The following KLHL13 variants were observed in gnomAD, a reference collection of about 807,000 sequenced individuals.
KLHL13 encodes the protein kelch-like protein 13.
KLHL13 carries 10 observed loss-of-function variants against 37.1 expected under a neutral mutation model. The ratio of observed to expected loss-of-function variants is 0.27; its 90% CI spans 0.17 to 0.46. The LOEUF (loss-of-function observed/expected upper bound fraction) is 0.46, where lower values mean the gene tolerates loss of function less well. Ranked by LOEUF, KLHL13 falls within the 20% of genes least tolerant of loss-of-function variation. KLHL13 has a pLI of 1.00. For missense variants in KLHL13, 360 were observed against 509.3 expected (o/e 0.71, Z 2.82); for synonymous variants, 163 against 181.2 (o/e 0.90, Z 0.81).
chrX:117,908,089 ATTTATTTATTTAT>A (rs1930674615), intron 5 of KLHL13, among the ~76,000 whole-genome samples: 1 of 104,924 alleles, frequency 9.5e-6, no homozygotes, highest in African/African-American at 3.5e-5. Context: ...TTATTTATTT[ATTTATTTATTTAT>A]TTATTTATTT....
intron 1 of KLHL13, among the ~76,000 whole-genome samples, chrX:117,972,561 A>G (rs1189337549): frequency 8.8e-6 from 1 of 113,032 alleles, no homozygotes; most frequent in Non-Finnish European, 1.9e-5. Context: ...GAAAAACAAA[A>G]CAATGATGAA....
intron 6 of KLHL13, 133 bp from the exon 8 acceptor site, chrX:117,899,528 C>T: frequency 2.2e-6 from 1 of 463,209 alleles, no homozygotes; most frequent in Non-Finnish European, 3.5e-6. Context: ...TTAGGACTGT[C>T]TTCCCTCTAT....
chrX:118,028,561 G>A, intron 1 of KLHL13, 64 bp from the exon 2 acceptor site: 1 of 519,316 alleles, frequency 1.9e-6, no homozygotes, highest in Non-Finnish European at 3.2e-6. Context: ...TTCAACTTCT[G>A]TTTTTATAAT....
intron 1 of KLHL13, among the ~76,000 whole-genome samples, chrX:117,966,359 GAAGGACCTCTTC>G (rs2053430717): frequency 9.0e-6 from 1 of 110,839 alleles, no homozygotes; most frequent in African/African-American, 3.3e-5. Context: ...CAAGGGATGT[GAAGGACCTCTTC>G]AAGGAGAACT....
chrX:118,099,629 C>G (rs1223196215), intron 1 of KLHL13, among the ~76,000 whole-genome samples: 1 of 110,364 alleles, frequency 9.1e-6, no homozygotes, highest in Non-Finnish European at 1.9e-5. Context: ...GCCTGGGCAA[C>G]ACAGCAACAC....
At chrX:118,000,474 G>GT (rs2053908209) in intron 1 of KLHL13, among the ~76,000 whole-genome samples, 1 of 112,236 alleles carries the variant, frequency 8.9e-6, no homozygotes, top group South Asian at 3.7e-4. Flanking sequence ...AGGGATGAGT[G>GT]TAACAGTAAT....
chrX:118,024,251 C>T (rs908354228), intron 1 of KLHL13, among the ~76,000 whole-genome samples: 4 of 112,177 alleles, frequency 3.6e-5, no homozygotes, highest in East Asian at 2.8e-4. Flanking sequence ...CTAGGCCATA[C>T]ATTCACTTCT....
intron 1 of KLHL13, among the ~76,000 whole-genome samples, chrX:117,966,264 TAACA>T (rs1374205059): frequency 4.1e-4 from 46 of 111,516 alleles, no homozygotes; most frequent in Non-Finnish European, 1.1e-4. Flanking sequence ...TATACACCAA[TAACA>T]GAAAACAGAC....
In KLHL13 at chrX:117,901,795, C is replaced by T. The variant is rs111984148; in HGVS notation, c.1480+38G>A. On this transcript the variant is annotated intron_variant, in intron 6 of 6. Coordinates refer to ENST00000262820, the Ensembl canonical transcript of KLHL13. ...GGAAAGATAACCATATAGTTAAAAG[C>T]TTATATATTATATTGTGTTCACATG... 1.9e-5 allele frequency: 13 copies of T among 671,932 alleles called. 1 individual carries two copies. Among genetic ancestry groups the T allele is most frequent in the African/African-American group, 1.3e-4 (6 of 45,509 alleles). The allele number at this position is 671,932 out of a possible 1,213,427, so 55.4% of individuals were successfully genotyped here.
intron 2 of KLHL13, among the ~76,000 whole-genome samples, chrX:117,928,017 TA>T (rs1932182112): frequency 8.9e-6 from 1 of 112,230 alleles, no homozygotes; most frequent in African/African-American, 3.2e-5. Context: ...TGGTAAAAGA[TA>T]TACAAAGCAA....
chrX:117,921,183 G>T (rs1931676362), intron 2 of KLHL13, among the ~76,000 whole-genome samples: 1 of 111,852 alleles, frequency 8.9e-6, no homozygotes. Flanking sequence ...TAAGTTGGAA[G>T]AATGACAATC....
chrX:117,944,005 C>T (rs886407558), intron 2 of KLHL13, among the ~76,000 whole-genome samples: 6 of 110,885 alleles, frequency 5.4e-5, no homozygotes, highest in Non-Finnish European at 9.4e-5. Context: ...CCTTCAGATG[C>T]GGTTTCTGTG....
intron 1 of KLHL13, among the ~76,000 whole-genome samples, chrX:118,020,602 G>C (rs1022153694): frequency 1.8e-5 from 2 of 110,751 alleles, no homozygotes; most frequent in African/African-American, 6.6e-5. Flanking sequence ...CAGGGATCTA[G>C]AACTAGAAAT....
chrX:118,096,927 C>G (rs1446975455), intron 1 of KLHL13, among the ~76,000 whole-genome samples: 14 of 111,163 alleles, frequency 1.3e-4, no homozygotes, highest in African/African-American at 4.6e-4. Context: ...TGGGACGTAT[C>G]TCAAAATAAT....
intron 1 of KLHL13, among the ~76,000 whole-genome samples, chrX:118,094,693 C>T (rs1180597856): frequency 1.8e-5 from 2 of 112,030 alleles, no homozygotes; most frequent in African/African-American, 6.5e-5. Flanking sequence ...GCTGATCTCT[C>T]AGCAGAAACT....
At chrX:117,989,905 A>G (rs1335637970) in intron 1 of KLHL13, among the ~76,000 whole-genome samples, 2 of 110,952 alleles carry the variant, frequency 1.8e-5, no homozygotes, top group South Asian at 3.8e-4. Flanking sequence ...AACTGCTTCT[A>G]TGTCTCCCTA....
chrX:118,081,940 TTGTGTGTG>T (rs762989393), intron 1 of KLHL13, among the ~76,000 whole-genome samples: 117 of 97,688 alleles, frequency 1.2e-3, no homozygotes, highest in African/African-American at 4.3e-3. Flanking sequence ...TAGTATTCCA[TTGTGTGTG>T]TGTGTGTGTG....
intron 1 of KLHL13, among the ~76,000 whole-genome samples, chrX:118,001,136 T>G (rs1376266745): frequency 8.9e-6 from 1 of 111,985 alleles, no homozygotes; most frequent in East Asian, 2.8e-4. Flanking sequence ...CATACATCAC[T>G]GCAGACCTGT....
At chrX:118,096,777 C>T (rs1434373262) in intron 1 of KLHL13, among the ~76,000 whole-genome samples, 22 of 111,654 alleles carry the variant, frequency 2.0e-4, no homozygotes, top group African/African-American at 4.9e-4. Context: ...GTTCAATATA[C>T]GCAAATCAAT....
Sources: allele counts gnomAD v4.1 joint callset (sites outside exome capture counted in the v4.1 genomes callset), GRCh38; gene constraint gnomAD v4.1.1; transcripts MANE v1.5; gene names NCBI Gene and HGNC (gene_info 2026-07-23, HGNC 2026-07-21).